THAP4: variants seen among roughly 807,000 people sequenced by gnomAD.
THAP4 encodes the protein THAP domain containing 4.
THAP4 carries 18 observed loss-of-function variants against 48.1 expected under a neutral mutation model. The ratio of observed to expected loss-of-function variants is 0.37; its 90% CI spans 0.26 to 0.56. The LOEUF (loss-of-function observed/expected upper bound fraction) is 0.56, where lower values mean the gene tolerates loss of function less well. Among genes scored for constraint, THAP4 ranks in the 20% least tolerant of loss-of-function variants. The pLI is 0.78. For missense variants in THAP4, 656 were observed against 774.9 expected (o/e 0.85, Z 1.82); for synonymous variants, 345 against 324.9 (o/e 1.06, Z -0.66).
At chr2:241,637,496 A>G (rs1439976093), upstream of THAP4, 6 of 1,445,072 alleles carry the variant, frequency 4.2e-6, no homozygotes, top group African/African-American at 1.5e-5. Flanking sequence ...CCGTCGTCCC[A>G]CGACACGACC....
At chr2:241,637,168 G>A (rs1321771365), upstream of THAP4, 4 of 988,200 alleles carry the variant, frequency 4.0e-6, no homozygotes, top group Non-Finnish European at 4.8e-6. Context: ...TGGAGGCGCA[G>A]GCGCCCGCAG....
At chr2:241,629,472 T>TAAA (rs201986582) in intron 2 of THAP4, among the ~76,000 whole-genome samples, 3 of 137,848 alleles carry the variant, frequency 2.2e-5, no homozygotes, top group Non-Finnish European at 4.7e-5. Flanking sequence ...CCCTGTCTCT[T>TAAA]AAAAAAAAAA....
intron 1 of THAP4, among the ~76,000 whole-genome samples, chr2:241,636,370 T>A (rs1329085152): frequency 1.3e-5 from 2 of 152,218 alleles, no homozygotes; most frequent in Admixed American, 6.5e-5. Flanking sequence ...TTAGAGGGGT[T>A]TGGGCCCTGC....
intron 2 of THAP4, among the ~76,000 whole-genome samples, chr2:241,615,798 G>A (rs921967148): frequency 2.0e-5 from 3 of 152,164 alleles, no homozygotes; most frequent in East Asian, 1.9e-4. Flanking sequence ...GAGTGAGGAC[G>A]CCACTGGCAG....
intron 2 of THAP4, among the ~76,000 whole-genome samples, chr2:241,608,643 C>T (rs138106073): frequency 1.8e-3 from 274 of 152,350 alleles, no homozygotes; most frequent in Middle Eastern, 6.8e-3. Context: ...CATCATTCAA[C>T]GTGCTGGACA....
chr2:241,627,744 G>C (rs895204712), intron 2 of THAP4, among the ~76,000 whole-genome samples: 1 of 152,182 alleles, frequency 6.6e-6, no homozygotes, highest in East Asian at 1.9e-4. Context: ...ACGCCGGCGT[G>C]ACAGACTGCA....
In THAP4 at chr2:241,616,841, G is replaced by T. The variant is rs960015958; in HGVS notation, c.1241-10368C>A. 1.5e-4 allele frequency among the ~76,000 whole-genome samples: 23 copies of T among 152,102 alleles called. No individual in the cohort carries two copies. The highest frequency in any genetic ancestry group is 5.3e-4 in the African/African-American group (22 of 41,412). ...TCGCCCTCCTGGCTTGCTGTTATTT[G>T]CTCTGAATCTTAATGGAGTTTAATT... On this transcript the variant is annotated intron_variant, in intron 2 of 5. Coordinates refer to ENST00000407315, the MANE Select transcript of THAP4 (RefSeq NM_015963.6). The surrounding 1 kb of genome is among the most constrained non-coding windows in gnomAD (Gnocchi z 4.6).
Position 241,633,812 on chromosome 2 carries a change from G to T in THAP4, c.345C>A (p.His115Gln). 1 of 1,613,768 alleles carries T rather than the reference G, an allele frequency of 6.2e-7. No homozygotes were observed. Among genetic ancestry groups the T allele is most frequent in the Non-Finnish European group, 8.5e-7 (1 of 1,179,768 alleles). The change falls in exon 2 of 6, where the codon CAC becomes CAA. Residue 115 changes from histidine to glutamine, a missense_variant. Coordinates refer to ENST00000407315, the MANE Select transcript of THAP4 (RefSeq NM_015963.6). This position sits in a 1 kb window ranked among gnomAD's most constrained non-coding sequence, Gnocchi z 7.5. ...ASKATGGVRG[H>Q]SSAATSRGAA... ...CTCCTCTGCTGGTGGCGGCACTCGA[G>T]TGTCCCCTCACACCCCCTGTGGCCT...
At chr2:241,606,599 T>C (rs2067187222) in intron 2 of THAP4, 126 bp from the exon 3 acceptor site, 4 of 925,914 alleles carry the variant, frequency 4.3e-6, no homozygotes, top group African/African-American at 1.7e-5. Context: ...GGGGGACCTG[T>C]CAAGAGCGGG....
At chr2:241,618,725 C>A (rs2067376854) in intron 2 of THAP4, among the ~76,000 whole-genome samples, 1 of 152,098 alleles carries the variant, frequency 6.6e-6, no homozygotes, top group Non-Finnish European at 1.5e-5. Flanking sequence ...GGACAAAATG[C>A]TGGAGGCTGA....
chr2:241,615,217 T>C (rs1575031232), intron 2 of THAP4, among the ~76,000 whole-genome samples: 2 of 151,206 alleles, frequency 1.3e-5, no homozygotes, highest in South Asian at 2.1e-4. Flanking sequence ...TGGAGGGGAG[T>C]GCAAAGGAGA....
At position 241,633,816 on chromosome 2, in the gene THAP4, C is replaced by T. The variant is rs760655398; in HGVS notation, c.341G>A (p.Gly114Glu). The T allele has an allele frequency of 1.9e-6, 3 of 1,613,688 alleles. No homozygotes were observed. The South Asian group carries it at 3.3e-5, about 18-fold the overall frequency. ...DASKATGGVRGHSSAATSRGA... is the reference protein window; with the variant it reads ...DASKATGGVREHSSAATSRGA... ...TCTGCTGGTGGCGGCACTCGAGTGTCCCCTCACACCCCCTGTGGCCTTGCT... is the reference window on the plus strand; with the variant it reads ...TCTGCTGGTGGCGGCACTCGAGTGTTCCCTCACACCCCCTGTGGCCTTGCT... The change falls in exon 2 of 6, where the codon GGA becomes GAA. Residue 114 changes from glycine (G) to glutamate (E), a missense_variant. Physicochemically the swap from Gly to Glu is moderately conservative, Grantham distance 98. Transcript: ENST00000407315. This position sits in a 1 kb window ranked among gnomAD's most constrained non-coding sequence, Gnocchi z 7.5.
At chr2:241,621,283 G>A (rs1425279037) in intron 2 of THAP4, among the ~76,000 whole-genome samples, 2 of 152,162 alleles carry the variant, frequency 1.3e-5, no homozygotes, top group African/African-American at 4.8e-5. Context: ...AGGAAGCAGA[G>A]GTTGCAGTGA....
At chr2:241,618,910 G>A (rs1246769816) in intron 2 of THAP4, among the ~76,000 whole-genome samples, 1 of 152,200 alleles carries the variant, frequency 6.6e-6, no homozygotes, top group Non-Finnish European at 1.5e-5. Context: ...TCCAGGCAAA[G>A]GCCAGGCCTG....
intron 2 of THAP4, among the ~76,000 whole-genome samples, chr2:241,615,978 T>C (rs909311819): frequency 6.6e-6 from 1 of 152,122 alleles, no homozygotes; most frequent in Non-Finnish European, 1.5e-5. Context: ...AGGGCGCCCA[T>C]GGGGACACAC....
rs752852936 is a variant in THAP4 at position 241,637,059 on chromosome 2, G to GCCGCCCGC, written c.-50_-43dup. On this transcript the variant is annotated 5_prime_UTR_variant, in exon 1 of 6. Coordinates refer to ENST00000407315, the MANE Select transcript of THAP4 (RefSeq NM_015963.6). ...GCCGCGCAGCCAGGCCCCGGCCCTA[G>GCCGCCCGC]CCGCCCGCCCGCCCGCGGACCGCCC... The GCCGCCCGC allele has an allele frequency of 5.8e-5, 66 of 1,130,946 alleles. No homozygotes were observed. The East Asian group carries it at 3.1e-3, about 53-fold the overall frequency. 70.1% of individuals were successfully genotyped at this position (1,130,946 alleles called of 1,614,324 possible). A position where few individuals can be genotyped will look rare whatever the true frequency, so the allele number is the denominator to read the frequency against.
chr2:241,587,229 T>C (rs955473285), intron 5 of THAP4, among the ~76,000 whole-genome samples: 8 of 152,222 alleles, frequency 5.3e-5, no homozygotes, highest in Non-Finnish European at 7.3e-5. Context: ...CACCATCTAA[T>C]AGGCTGGGGG....
At chr2:241,596,855 G>A (rs954824174) in intron 5 of THAP4, among the ~76,000 whole-genome samples, 2 of 149,978 alleles carry the variant, frequency 1.3e-5, no homozygotes, top group Non-Finnish European at 3.0e-5. Flanking sequence ...CAGGCACCAT[G>A]AGTGGAGCTG....
At chr2:241,587,691 A>T (rs2066909906) in intron 5 of THAP4, among the ~76,000 whole-genome samples, 1 of 152,224 alleles carries the variant, frequency 6.6e-6, no homozygotes, top group African/African-American at 2.4e-5. Context: ...TATTTAAAAA[A>T]TTCTCAATTA....
Sources: gnomAD v4.1 joint callset for allele counts (sites outside exome capture counted in the v4.1 genomes callset) on GRCh38, gnomAD v4.1.1 for gene constraint, Gnocchi (gnomAD v3.1) non-coding constraint, MANE v1.5 for transcripts, NCBI Gene and HGNC (gene_info 2026-07-23, HGNC 2026-07-21) for gene names.